Variants in INSR observed in about 807,000 individuals in gnomAD.
INSR encodes the protein insulin receptor.
A neutral mutation model predicts 142.6 loss-of-function variants in INSR; 67 were observed. The observed-to-expected ratio is 0.47, with a 90% CI of 0.39 to 0.58. The LOEUF (loss-of-function observed/expected upper bound fraction) is 0.58. Among genes scored for constraint, INSR ranks in the 20% least tolerant of loss-of-function variants. The pLI is 0.00. For synonymous variants in INSR, 756 were observed against 743.1 expected, an observed-to-expected ratio of 1.02 and a Z score of -0.28; for missense variants, 1,248 against 1,833.2, an observed-to-expected ratio of 0.68 and a Z score of 5.83.
At chr19:7,228,501 T>C (rs985835521) in intron 2 of INSR, among the ~76,000 whole-genome samples, 9 of 152,190 alleles carry the variant, frequency 5.9e-5, no homozygotes, top group African/African-American at 2.2e-4. Flanking sequence ...AAATCAGAAA[T>C]GAGACTGGGC....
At chr19:7,158,318 G>A (rs1973657971) in intron 9 of INSR, among the ~76,000 whole-genome samples, 1 of 151,836 alleles carries the variant, frequency 6.6e-6, no homozygotes. Context: ...GGCTAACATG[G>A]TGAAACCCCG....
intron 2 of INSR, among the ~76,000 whole-genome samples, chr19:7,220,802 A>G (rs1470251750): frequency 1.3e-5 from 2 of 152,210 alleles, no homozygotes; most frequent in Non-Finnish European, 2.9e-5. Context: ...TTTACTGGTA[A>G]CATAATAGTA....
chr19:7,149,249 G>C (rs1217824366), intron 11 of INSR, among the ~76,000 whole-genome samples: 1 of 152,108 alleles, frequency 6.6e-6, no homozygotes, highest in Non-Finnish European at 1.5e-5. Flanking sequence ...GACCAAGCCC[G>C]TACATTTTTA....
In INSR at chr19:7,117,185, C is replaced by T. The variant is rs1181645826; in HGVS notation, c.4020G>A (p.Ala1340=). ...DRSSHCQREE[A]GGRDGGSSLG... ...GCGAGGACCCTCCATCCCGGCCCCC[C>T]GCCTCCTCCCTCTGACAGTGCGAGG... The change falls in exon 22 of 22, where the codon GCG becomes GCA. Residue 1340 remains alanine, a synonymous_variant. Transcript: ENST00000302850. 24 of 1,614,178 alleles carry T rather than the reference C, an allele frequency of 1.5e-5. No homozygotes were observed. Among genetic ancestry groups the T allele is most frequent in the East Asian group, 2.2e-5 (1 of 44,880 alleles).
chr19:7,198,552 G>A (rs1974857991), intron 2 of INSR, among the ~76,000 whole-genome samples: 1 of 152,156 alleles, frequency 6.6e-6, no homozygotes, highest in Non-Finnish European at 1.5e-5. Context: ...GGACTGCCGA[G>A]GGGCCCCCTG....
At position 7,116,958 on chromosome 19, in the gene INSR, A is replaced by G. The variant is rs2144789069; in HGVS notation, c.*98T>C. 3 of 930,488 alleles carry G rather than the reference A, an allele frequency of 3.2e-6. No homozygotes were observed. Among genetic ancestry groups the G allele is most frequent in the African/African-American group, 1.6e-5 (1 of 61,904 alleles). The allele number at this position is 930,488 out of a possible 1,614,324, so 57.6% of individuals were successfully genotyped here. On this transcript the variant is annotated 3_prime_UTR_variant, in exon 22 of 22. Transcript: ENST00000302850. ...GAACGATCTCTGAACTCCATTGGACATGGTAGAGTCGTGAGAATCCTGAGT... is the reference window on the plus strand; with the variant it reads ...GAACGATCTCTGAACTCCATTGGACGTGGTAGAGTCGTGAGAATCCTGAGT...
chr19:7,180,529 C>CAAAAAAA (rs57184012), intron 3 of INSR, among the ~76,000 whole-genome samples: 1,425 of 91,746 alleles, frequency 0.016, 72 homozygotes, highest in African/African-American at 0.057. Context: ...GACCTTGTCT[C>CAAAAAAA]AAAAAAAAAA....
chr19:7,248,342 CAGGCACGGTG>C lies in INSR; in HGVS notation c.652+18993_652+19002del, dbSNP rs1976597736. On this transcript the variant is annotated intron_variant, in intron 2 of 21. Coordinates refer to ENST00000302850, the MANE Select transcript of INSR (RefSeq NM_000208.4). ...GCAAAAATATTTTTTAAAAATTAGT[CAGGCACGGTG>C]GTTCATGCCTGTAGTGCCAGCTACT... 2.5e-5 allele frequency among the ~76,000 whole-genome samples: 3 copies of C among 120,596 alleles called. No individual in the cohort carries two copies. The Middle Eastern group carries it at 0.011, about 447-fold the overall frequency. The allele number at this position is 120,596 out of a possible 152,430, so 79.1% of individuals were successfully genotyped here.
rs1232551717 is a variant in INSR, at chr19:7,167,826, A to T, written c.1610+142T>A. 85 of 1,033,330 alleles carry T rather than the reference A, an allele frequency of 8.2e-5. No homozygotes were observed. The East Asian group carries it at 2.1e-3, about 25-fold the overall frequency. 64.0% of individuals were successfully genotyped at this position (1,033,330 alleles called of 1,614,324 possible). A position where few individuals can be genotyped will look rare whatever the true frequency, so the allele number is the denominator to read the frequency against. On this transcript the variant is annotated intron_variant, in intron 7 of 21. Transcript: ENST00000302850. ...GCATGCCATCGACTGGTGAGATTGT[A>T]AAAAGGAACCTAAGATATTTATTCC...
At chr19:7,286,740 T>C (rs940054324) in intron 1 of INSR, among the ~76,000 whole-genome samples, 5 of 151,986 alleles carry the variant, frequency 3.3e-5, no homozygotes, top group African/African-American at 9.7e-5. Flanking sequence ...TTCTACACTT[T>C]TGTAATTTTT....
intron 1 of INSR, among the ~76,000 whole-genome samples, chr19:7,279,310 A>G (rs1209686210): frequency 6.6e-6 from 1 of 151,750 alleles, no homozygotes; most frequent in East Asian, 1.9e-4. Flanking sequence ...AATAAAATTA[A>G]AAAATAAAAA....
intron 2 of INSR, among the ~76,000 whole-genome samples, chr19:7,247,427 G>A (rs73492807): frequency 2.0e-5 from 3 of 152,072 alleles, no homozygotes; most frequent in African/African-American, 7.3e-5. Context: ...TCGATTAGAT[G>A]TACCTATAAT....
intron 14 of INSR, among the ~76,000 whole-genome samples, chr19:7,129,926 A>G (rs1972736083): frequency 6.6e-6 from 1 of 151,954 alleles, no homozygotes; most frequent in African/African-American, 2.4e-5. Context: ...TTTTGTGGAG[A>G]CAGAGTCTCG....
chr19:7,135,090 TAAAAA>T (rs5826960), intron 13 of INSR, among the ~76,000 whole-genome samples: 1 of 78,456 alleles, frequency 1.3e-5, no homozygotes, highest in Non-Finnish European at 2.2e-5. Context: ...AAAGAAATGT[TAAAAA>T]AAAAAAAAAA....
intron 1 of INSR, among the ~76,000 whole-genome samples, chr19:7,281,355 C>G (rs1011449565): frequency 2.0e-5 from 3 of 147,034 alleles, no homozygotes; most frequent in East Asian, 2.0e-4. Context: ...CACACACACA[C>G]AGACACATAC....
chr19:7,176,034 A>G (rs1201398611), intron 3 of INSR, among the ~76,000 whole-genome samples: 1 of 152,160 alleles, frequency 6.6e-6, no homozygotes, highest in Non-Finnish European at 1.5e-5. Context: ...GCTGGACCCC[A>G]CAGTGATGGG....
intron 2 of INSR, among the ~76,000 whole-genome samples, chr19:7,248,270 C>G (rs1279280038): frequency 1.3e-5 from 2 of 150,766 alleles, no homozygotes; most frequent in African/African-American, 4.9e-5. Context: ...CTCAGTCCCC[C>G]AGGTAGCTGG....
intron 2 of INSR, among the ~76,000 whole-genome samples, chr19:7,226,792 A>G (rs926525363): frequency 1.3e-5 from 2 of 151,632 alleles, no homozygotes; most frequent in African/African-American, 4.8e-5. Flanking sequence ...TTTCATCTCC[A>G]TATACCCCTA....
rs548339287 is a variant in INSR, at chr19:7,221,774, G to A, written c.653-37137C>T. 3.9e-5 allele frequency among the ~76,000 whole-genome samples: 6 copies of A among 151,992 alleles called. No homozygotes were observed. In the South Asian group the frequency reaches 1.0e-3, roughly 26 times the overall value. ...TGCATGGACTCTGGCATCACACTGGGTTTCAACTTTTCCTTTCTAGCTATG... is the reference window on the plus strand; with the variant it reads ...TGCATGGACTCTGGCATCACACTGGATTTCAACTTTTCCTTTCTAGCTATG... On this transcript the variant is annotated intron_variant, in intron 2 of 21. Coordinates refer to ENST00000302850, the MANE Select transcript of INSR (RefSeq NM_000208.4).
Sources: allele counts gnomAD v4.1 joint callset (sites outside exome capture counted in the v4.1 genomes callset), GRCh38; gene constraint gnomAD v4.1.1; transcripts MANE v1.5; gene names NCBI Gene and HGNC (gene_info 2026-07-23, HGNC 2026-07-21).